The following PTPRB variants were observed in gnomAD, a reference collection of about 807,000 sequenced individuals.
PTPRB encodes the protein receptor-type tyrosine-protein phosphatase beta.
Under a neutral mutation model 238.1 loss-of-function variants are expected in PTPRB, and 97 were observed. That is an observed-to-expected ratio of 0.41 (90% confidence interval 0.35 to 0.48). The LOEUF is 0.48. PTPRB is among the 20% of genes least tolerant of loss of function. The pLI is 0.30. For synonymous variants in PTPRB, 970 were observed against 995.4 expected (o/e 0.97, Z 0.48); for missense variants, 2,292 against 2,681.9 (o/e 0.85, Z 3.21).
chr12:70,541,118 T>G (rs1300641944), intron 22 of PTPRB, 161 bp from the exon 23 acceptor site: 1 of 628,160 alleles, frequency 1.6e-6, no homozygotes, highest in Non-Finnish European at 2.8e-6. Context: ...GCTCTGAGTA[T>G]GCACCTAAGA....
chr12:70,606,969 G>A (rs1013208559), intron 4 of PTPRB, among the ~76,000 whole-genome samples: 16 of 152,216 alleles, frequency 1.1e-4, no homozygotes, highest in Non-Finnish European at 2.1e-4. Flanking sequence ...TTGTAGACAA[G>A]TAAAGTGTGT....
chr12:70,586,333 C>T (rs559626223), intron 9 of PTPRB, among the ~76,000 whole-genome samples: 7 of 152,244 alleles, frequency 4.6e-5, no homozygotes, highest in South Asian at 2.1e-4. Flanking sequence ...TTTTAATGAT[C>T]GCCATTCTAA....
chr12:70,626,185 T>C (rs1885165037), intron 2 of PTPRB, among the ~76,000 whole-genome samples: 1 of 148,014 alleles, frequency 6.8e-6, no homozygotes, highest in Non-Finnish European at 1.5e-5. Context: ...CTTTCTATTC[T>C]GTAGGAAGAT....
At position 70,532,106 on chromosome 12, in the gene PTPRB, T is replaced by C; in HGVS notation, c.6433A>G (p.Lys2145Glu). 6.2e-7 allele frequency: 1 copy of C among 1,613,950 alleles called. No homozygotes were observed. Among genetic ancestry groups the C allele is most frequent in the Non-Finnish European group, 8.5e-7 (1 of 1,179,868 alleles). The change falls in exon 32 of 34, where the codon AAA (lysine) becomes GAA (glutamate). Residue 2145 changes from lysine to glutamate, a missense_variant. Coordinates refer to ENST00000334414, the MANE Select transcript of PTPRB (RefSeq NM_001109754.4). ...LDRILQQLDS[K>E]DSVDIYGAVH... ...GCTCCATAAATGTCCACAGAGTCTT[T>C]GGAGTCTAACTGCTGGAGGATTCGG... is the stretch of plus-strand genomic sequence containing the variant.
chr12:70,539,395 TC>T, intron 26 of PTPRB: 2 of 565,514 alleles, frequency 3.5e-6, no homozygotes, highest in Non-Finnish European at 3.1e-6. Context: ...TACTATCTGA[TC>T]CAGGTAGCCC....
chr12:70,569,861 C>G lies in PTPRB; in HGVS notation c.3448G>C (p.Gly1150Arg). The G allele has an allele frequency of 1.9e-6, 3 of 1,613,990 alleles. No individual in the cohort carries two copies. The highest frequency in any genetic ancestry group is 2.5e-6 in the Non-Finnish European group (3 of 1,179,886). ...ACCGTGTAGGAATCAACGTCTCCCC[C>G]ACCAGGAGTCCAGTTCACCGTCAGG... ...DSLTVNWTPGGGDVDSYTVSA... is the reference protein window; with the variant it reads ...DSLTVNWTPGRGDVDSYTVSA... Residue 1150 changes from glycine (G) to arginine (R), a missense_variant, in exon 14 of 34, where the codon GGG becomes CGG. Coordinates refer to ENST00000334414, the MANE Select transcript of PTPRB (RefSeq NM_001109754.4).
At chr12:70,607,608 A>C (rs1385921362) in intron 4 of PTPRB, among the ~76,000 whole-genome samples, 1 of 147,206 alleles carries the variant, frequency 6.8e-6, no homozygotes, top group Non-Finnish European at 1.5e-5. Flanking sequence ...GTGCAGTGGC[A>C]CAATCTGGCT....
intron 22 of PTPRB, chr12:70,542,080 G>A (rs1875218115): frequency 6.6e-6 from 1 of 152,158 alleles, no homozygotes; most frequent in Non-Finnish European, 1.5e-5. Flanking sequence ...TGTATGGAAG[G>A]TTCTGATTTC....
intron 2 of PTPRB, among the ~76,000 whole-genome samples, chr12:70,630,941 A>G (rs1263925431): frequency 6.6e-6 from 1 of 152,248 alleles, no homozygotes; most frequent in Non-Finnish European, 1.5e-5. Context: ...ACACAAACAC[A>G]TGGAAGAACA....
Position 70,587,043 on chromosome 12 carries a change from C to T in PTPRB, c.2275G>A (p.Asp759Asn), listed in dbSNP as rs747985778. Residue 759 changes from aspartate to asparagine, a missense_variant, in exon 9 of 34, where the codon GAC becomes AAC. This residue lies in a region of PTPRB where 1,205 missense variants were observed against 1,287.8 expected (regional missense o/e 0.94). Transcript: ENST00000334414. Reference protein sequence around the residue: ...YMATVTSISGDLKNSSSVKGR... With the variant: ...YMATVTSISGNLKNSSSVKGR... ...TTTACTGAAGAGGAATTTTTTAAGT[C>T]TCCACTAATACTGGTGACTGTAGCC... is the stretch of plus-strand genomic sequence containing the variant. The T allele has an allele frequency of 4.0e-5, 64 of 1,613,546 alleles. No individual in the cohort carries two copies. Among genetic ancestry groups the T allele is most frequent in the Non-Finnish European group, 4.6e-5 (54 of 1,179,708 alleles).
chr12:70,577,383 C>G (rs1319870117), intron 10 of PTPRB, among the ~76,000 whole-genome samples: 1 of 152,148 alleles, frequency 6.6e-6, no homozygotes, highest in African/African-American at 2.4e-5. Flanking sequence ...TACTGAGAAC[C>G]TACTATTTGC....
chr12:70,582,048 T>G lies in PTPRB; in HGVS notation c.2312-746A>C, dbSNP rs533789384. On this transcript the variant is annotated intron_variant, in intron 9 of 33. Coordinates refer to ENST00000334414, the MANE Select transcript of PTPRB (RefSeq NM_001109754.4). ...AGCCAACCTGGAACTGAAAGCTAGA[T>G]TTATCTAACCCCTAAGCCTGTGTCC... 2.6e-5 allele frequency among the ~76,000 whole-genome samples: 4 copies of G among 152,236 alleles called. No individual in the cohort carries two copies. The South Asian group carries it at 8.3e-4, about 32-fold the overall frequency.
chr12:70,524,327 C>A, intron 33 of PTPRB, 144 bp downstream of exon 33: 1 of 820,666 alleles, frequency 1.2e-6, no homozygotes, highest in Non-Finnish European at 1.8e-6. Flanking sequence ...GTTGCCCAGG[C>A]TGGTTTCAAA....
chr12:70,563,031 C>G lies in PTPRB; in HGVS notation c.3981G>C (p.Glu1327Asp). ...AGATGTTGTACCAGCTGAGCTCCCC[C>G]TCTGAGGCGGTCCAGCGGAAGGACA... ...RHLSFRWTAS[E>D]GELSWYNIFL... The change falls in exon 16 of 34, where the codon GAG becomes GAC. Residue 1327 changes from glutamate (E) to aspartate (D), a missense_variant. Transcript: ENST00000334414. 3 of 1,613,966 alleles carry G rather than the reference C, an allele frequency of 1.9e-6. No individual in the cohort carries two copies. The highest frequency in any genetic ancestry group is 1.1e-5 in the South Asian group (1 of 91,080).
intron 33 of PTPRB, among the ~76,000 whole-genome samples, chr12:70,521,714 C>G (rs1186109066): frequency 2.6e-5 from 4 of 152,172 alleles, no homozygotes; most frequent in Non-Finnish European, 5.9e-5. Context: ...GATTCTAGCC[C>G]ATCGCCTCTG....
chr12:70,596,010 T>A (rs758538332), intron 5 of PTPRB, 39 bp downstream of exon 5: 2 of 1,444,424 alleles, frequency 1.4e-6, no homozygotes, highest in South Asian at 2.9e-5. Flanking sequence ...TTGAAAAGTA[T>A]CCTATTAACT....
At position 70,521,385 on chromosome 12, in the gene PTPRB, A is replaced by G; in HGVS notation, c.*104T>C. 1.4e-6 allele frequency: 1 copy of G among 707,640 alleles called. No individual in the cohort carries two copies. The allele number at this position is 707,640 out of a possible 1,614,324, so 43.8% of individuals were successfully genotyped here. ...TTCTCCAGATTAATAAATTATACAT[A>G]GTATCAACAGAAATAGCTGGCACCT... is the stretch of plus-strand genomic sequence containing the variant. On this transcript the variant is annotated 3_prime_UTR_variant, in exon 34 of 34. Coordinates refer to ENST00000334414, the MANE Select transcript of PTPRB (RefSeq NM_001109754.4).
rs187970466 is a variant in PTPRB, at chr12:70,608,820, G to A, written c.979+249C>T. ...AGCCCAAAGTTTCTCTTTGCTGACC[G>A]CCCTGCACCCCACCCCGACCCTTTC... On this transcript the variant is annotated intron_variant, in intron 4 of 33. Transcript: ENST00000334414. 43 of 515,302 alleles carry A rather than the reference G, an allele frequency of 8.3e-5. No homozygotes were observed. The Admixed American group carries it at 1.1e-3, about 14-fold the overall frequency. The allele number at this position is 515,302 out of a possible 1,614,324, so 31.9% of individuals were successfully genotyped here. A position where few individuals can be genotyped will look rare whatever the true frequency, so the allele number is the denominator to read the frequency against.
At chr12:70,637,063 C>A (rs1358635936) in intron 1 of PTPRB, among the ~76,000 whole-genome samples, 1 of 152,166 alleles carries the variant, frequency 6.6e-6, no homozygotes, top group Non-Finnish European at 1.5e-5. Flanking sequence ...ATAATACAAA[C>A]TTTTCCTCGG....
Sources: allele counts gnomAD v4.1 joint callset (sites outside exome capture counted in the v4.1 genomes callset), GRCh38; gene constraint gnomAD v4.1.1; regional missense constraint gnomAD v4.1.1; transcripts MANE v1.5; gene names NCBI Gene and HGNC (gene_info 2026-07-23, HGNC 2026-07-21).